The following HMOX2 variants were observed in gnomAD, a reference collection of about 807,000 sequenced individuals.
The protein encoded by HMOX2 is heme oxygenase 2.
Under a neutral mutation model 33.7 loss-of-function variants are expected in HMOX2, and 30 were observed. The ratio of observed to expected loss-of-function variants is 0.89; its 90% CI spans 0.67 to 1.21. HMOX2 has a LOEUF of 1.21. Among genes scored for constraint, HMOX2 ranks in the 50% most tolerant of loss-of-function variants. The probability of loss-of-function intolerance (pLI) is 0.00; values close to 1 mark genes in which losing one functional copy is unlikely to be tolerated. For synonymous variants in HMOX2, 155 were observed against 155.0 expected (o/e 1.00, Z 0.00); for missense variants, 403 against 399.1 (o/e 1.01, Z -0.08).
chr16:4,478,214 G>C (rs1235974920), intron 1 of HMOX2, among the ~76,000 whole-genome samples: 2 of 152,160 alleles, frequency 1.3e-5, no homozygotes, highest in Non-Finnish European at 2.9e-5. Flanking sequence ...GTCACCAAAA[G>C]GGGGAACGTG....
chr16:4,500,796 T>C (rs1384473381), intron 1 of HMOX2, among the ~76,000 whole-genome samples: 5 of 152,168 alleles, frequency 3.3e-5, no homozygotes, highest in African/African-American at 1.2e-4. Context: ...TTTGAGACAG[T>C]GTTCTGGATC....
At chr16:4,492,529 C>T (rs943218658) in intron 1 of HMOX2, among the ~76,000 whole-genome samples, 5 of 150,490 alleles carry the variant, frequency 3.3e-5, no homozygotes. Flanking sequence ...ACCATCCTGG[C>T]GAACATGCTG....
At chr16:4,505,672 A>G in intron 2 of HMOX2, 62 bp downstream of exon 2, 1 of 1,221,980 alleles carries the variant, frequency 8.2e-7, no homozygotes, top group South Asian at 1.3e-5. Context: ...TGCTCAGCAC[A>G]CCTGGTTTTG....
rs2058670368 is a variant in HMOX2 at position 4,505,585 on chromosome 16, G to A, written c.61G>A (p.Ala21Thr). 3 of 1,600,758 alleles carry A rather than the reference G, an allele frequency of 1.9e-6. No homozygotes were observed. Among genetic ancestry groups the A allele is most frequent in the Admixed American group, 3.4e-5 (2 of 58,350 alleles). ...CGAGTCAGAAAAAAAGAACTCTGGG[G>A]CCCTAGAAAAGGAGAACCAAATGAG... ...VDESEKKNSG[A>T]LEKENQMRMA... is the part of the protein sequence containing the mutation. The change falls in exon 2 of 6, where the codon GCC becomes ACC. Residue 21 changes from alanine to threonine, a missense_variant. By Grantham distance (58) the Ala-to-Thr change is moderately conservative. Coordinates refer to ENST00000570646, the MANE Select transcript of HMOX2 (RefSeq NM_002134.4).
At chr16:4,487,061 A>C (rs2058186423) in intron 1 of HMOX2, among the ~76,000 whole-genome samples, 2 of 152,160 alleles carry the variant, frequency 1.3e-5, no homozygotes, top group South Asian at 2.1e-4. Context: ...GTTCGAGACC[A>C]ACCTGGGCAA....
chr16:4,504,943 G>A (rs2058653694), intron 1 of HMOX2, among the ~76,000 whole-genome samples: 1 of 152,128 alleles, frequency 6.6e-6, no homozygotes, highest in African/African-American at 2.4e-5. Flanking sequence ...CCAAAGTGCT[G>A]GGATTACAGG....
At chr16:4,484,460 C>CTTTT (rs58092240) in intron 1 of HMOX2, among the ~76,000 whole-genome samples, 8 of 118,250 alleles carry the variant, frequency 6.8e-5, no homozygotes, top group African/African-American at 1.3e-4. Flanking sequence ...CTTTTCTTTT[C>CTTTT]TTTTTTTTTT....
chr16:4,506,753 T>G (rs1387507575), intron 2 of HMOX2, 142 bp from the exon 3 acceptor site: 25 of 665,740 alleles, frequency 3.8e-5, no homozygotes, highest in Non-Finnish European at 5.4e-5. Flanking sequence ...CTATTTGTGT[T>G]GGAGTGAAGT....
At chr16:4,488,151 G>T (rs913480920) in intron 1 of HMOX2, among the ~76,000 whole-genome samples, 1 of 150,586 alleles carries the variant, frequency 6.6e-6, no homozygotes, top group African/African-American at 2.4e-5. Flanking sequence ...AAAAAAACAG[G>T]CTTGAGTATA....
At chr16:4,475,154 G>C (rs1314096888), upstream of HMOX2, among the ~76,000 whole-genome samples, 10 of 151,060 alleles carry the variant, frequency 6.6e-5, no homozygotes, top group Non-Finnish European at 1.3e-4. Flanking sequence ...GGTTTCACCA[G>C]GTTGACCAGG....
At chr16:4,480,027 C>G (rs1412505930) in intron 1 of HMOX2, among the ~76,000 whole-genome samples, 1 of 151,532 alleles carries the variant, frequency 6.6e-6, no homozygotes, top group African/African-American at 2.4e-5. Flanking sequence ...GCATGAGTCG[C>G]TGCGCCCGGC....
intron 1 of HMOX2, among the ~76,000 whole-genome samples, chr16:4,481,290 A>G (rs1196110722): frequency 6.7e-6 from 1 of 150,112 alleles, no homozygotes; most frequent in East Asian, 2.0e-4. Flanking sequence ...CGGAGCTTGC[A>G]GTAAGCAGAG....
At chr16:4,476,518 C>T (rs1567374180) in intron 1 of HMOX2, 31 bp downstream of exon 1, 1 of 152,284 alleles carries the variant, frequency 6.6e-6, no homozygotes, top group Non-Finnish European at 1.5e-5. Context: ...CGGGGCCTTC[C>T]TTCCGCCCGG....
At chr16:4,502,206 C>T (rs1295152825) in intron 1 of HMOX2, among the ~76,000 whole-genome samples, 4 of 152,090 alleles carry the variant, frequency 2.6e-5, no homozygotes, top group African/African-American at 9.7e-5. Context: ...ATTATAGGTG[C>T]GAACCACTGT....
intron 1 of HMOX2, among the ~76,000 whole-genome samples, chr16:4,497,894 G>A (rs1369394033): frequency 6.6e-6 from 1 of 151,894 alleles, no homozygotes. Context: ...TACCACAACC[G>A]GTCTCTTGTC....
intron 3 of HMOX2, 118 bp downstream of exon 3, chr16:4,507,130 T>C (rs1371134883): frequency 2.8e-6 from 2 of 718,630 alleles, no homozygotes; most frequent in East Asian, 4.9e-5. Context: ...TTCTCCACAC[T>C]CCATTCCTTC....
At chr16:4,493,470 G>T (rs1363153096) in intron 1 of HMOX2, among the ~76,000 whole-genome samples, 1 of 152,294 alleles carries the variant, frequency 6.6e-6, no homozygotes, top group East Asian at 1.9e-4. Context: ...TTGTGGAATT[G>T]TTATCACTGT....
At chr16:4,475,246 C>T (rs1427778369), upstream of HMOX2, among the ~76,000 whole-genome samples, 2 of 151,956 alleles carry the variant, frequency 1.3e-5, no homozygotes, top group African/African-American at 2.4e-5. Context: ...AGCCACCGTG[C>T]CCAGCCCTAA....
chr16:4,509,370 G>T, intron 4 of HMOX2, 42 bp from the exon 5 acceptor site: 1 of 1,586,904 alleles, frequency 6.3e-7, no homozygotes. Context: ...AAAAAAGTAT[G>T]GGCAGCCCAA....
Sources: allele counts gnomAD v4.1 joint callset (sites outside exome capture counted in the v4.1 genomes callset), GRCh38; gene constraint gnomAD v4.1.1; transcripts MANE v1.5; gene names NCBI Gene and HGNC (gene_info 2026-07-23, HGNC 2026-07-21).